Variants in MZT2B observed in about 807,000 individuals in gnomAD.
MZT2B encodes mitotic spindle organizing protein 2B.
In MZT2B, 11 loss-of-function variants were observed where a neutral mutation model predicts 12.1. The observed-to-expected ratio is 0.91, with a 90% CI of 0.57 to 1.50. MZT2B has a LOEUF of 1.50. MZT2B is among the 40% of genes most tolerant of loss of function. The pLI is 0.00. For synonymous variants in MZT2B, 85 were observed against 109.5 expected (o/e 0.78, Z 1.40); for missense variants, 209 against 227.7 (o/e 0.92, Z 0.53).
the MZT2B span, among the ~76,000 whole-genome samples, chr2:130,200,173 C>T: frequency 4.6e-5 from 7 of 151,798 alleles, no homozygotes; most frequent in Admixed American, 2.0e-4. Context: ...AGGCGGATCG[C>T]GAGGTCAGGA....
chr2:130,184,464 C>T (rs1689977606), intron 2 of MZT2B: 1 of 985,306 alleles, frequency 1.0e-6, no homozygotes, highest in Non-Finnish European at 1.2e-6. Flanking sequence ...CCCTTGCCCA[C>T]CTCACTCCTG....
the MZT2B span, among the ~76,000 whole-genome samples, chr2:130,200,697 C>T: frequency 1.3e-5 from 2 of 152,228 alleles, no homozygotes; most frequent in Non-Finnish European, 2.9e-5. Flanking sequence ...CCGGGAAGAG[C>T]AGAGTCAGGA....
downstream of MZT2B, among the ~76,000 whole-genome samples, chr2:130,193,170 G>C (rs115410310): frequency 6.6e-6 from 1 of 151,544 alleles, no homozygotes; most frequent in Non-Finnish European, 1.5e-5. Context: ...TGAGAGAATC[G>C]CTAGAGTCTG....
chr2:130,202,213 A>C, the MZT2B span: 3 of 973,376 alleles, frequency 3.1e-6, no homozygotes, highest in African/African-American at 3.4e-5. Flanking sequence ...ACTAAAAAAA[A>C]CAGTCCTGTG....
At chr2:130,191,059 C>T (rs377326439), downstream of MZT2B, among the ~76,000 whole-genome samples, 2 of 152,162 alleles carry the variant, frequency 1.3e-5, no homozygotes, top group Admixed American at 6.5e-5. Flanking sequence ...ACGCCATTCT[C>T]CTGCCTCAGC....
At chr2:130,185,340 A>G (rs979768285) in intron 2 of MZT2B, among the ~76,000 whole-genome samples, 15 of 150,082 alleles carry the variant, frequency 1.0e-4, no homozygotes, top group East Asian at 2.0e-4. Context: ...CCAGGTGGGC[A>G]TGGTGGTGGC....
At chr2:130,184,803 C>T in intron 2 of MZT2B, 2 of 985,420 alleles carry the variant, frequency 2.0e-6, no homozygotes, top group South Asian at 9.4e-5. Context: ...AGGCCTAGCT[C>T]TCAGGGCAGA....
chr2:130,189,896 C>T (rs1379528716), intron 2 of MZT2B, among the ~76,000 whole-genome samples: 1 of 152,142 alleles, frequency 6.6e-6, no homozygotes, highest in Admixed American at 6.5e-5. Flanking sequence ...CAGCTAAACC[C>T]GAAAGCAAGA....
chr2:130,190,879 A>G, downstream of MZT2B: 2 of 788,272 alleles, frequency 2.5e-6, no homozygotes, highest in Non-Finnish European at 3.5e-6. Flanking sequence ...GGGTTCTGAG[A>G]AAAGGCATCT....
Position 130,182,684 on chromosome 2 carries a change from C to T in MZT2B, c.228C>T (p.Leu76=), listed in dbSNP as rs778085620. The change falls in exon 2 of 3, where the codon CTC becomes CTT. Residue 76 remains leucine (L), a synonymous_variant. Coordinates refer to ENST00000281871, the MANE Select transcript of MZT2B (RefSeq NM_025029.5). ...NVAPLAVFQM[L]KSMCAGQRLA... Reference sequence around the variant, plus strand: ...CCCCCCTCGCCGTCTTCCAGATGCTCAAGTCCATGTGTGCCGGGCAGAGGC... The same window carrying T: ...CCCCCCTCGCCGTCTTCCAGATGCTTAAGTCCATGTGTGCCGGGCAGAGGC... The T allele has an allele frequency of 3.9e-5, 61 of 1,552,404 alleles. No homozygotes were observed. Among genetic ancestry groups the T allele is most frequent in the Non-Finnish European group, 5.0e-5 (58 of 1,149,442 alleles).
Position 130,188,251 on chromosome 2 carries a change from G to A in MZT2B, c.320-2218G>A, listed in dbSNP as rs149754845. ...CTGCGTGCTGTGGGGAGCTGAGAGC[G>A]CATGGGCACCTAAGCACCCAGATTA... is the stretch of plus-strand genomic sequence containing the variant. On this transcript the variant is annotated intron_variant, in intron 2 of 2. Transcript: ENST00000281871. The A allele has an allele frequency of 9.1e-3, 1,470 of 161,334 alleles. 10 individuals carry two copies. The highest frequency in any genetic ancestry group is 0.032 in the African/African-American group (1,335 of 41,550). 10.0% of individuals were successfully genotyped at this position (161,334 alleles called of 1,614,324 possible). A position where few individuals can be genotyped will look rare whatever the true frequency, so the allele number is the denominator to read the frequency against.
chr2:130,203,773 A>G, the MZT2B span, among the ~76,000 whole-genome samples: 2 of 151,750 alleles, frequency 1.3e-5, no homozygotes, highest in African/African-American at 2.4e-5. Context: ...TTGCCTATGT[A>G]TTTTTTTCTG....
downstream of MZT2B, among the ~76,000 whole-genome samples, chr2:130,193,249 C>CA (rs1204136926): frequency 6.6e-6 from 1 of 151,316 alleles, no homozygotes; most frequent in Non-Finnish European, 1.5e-5. Flanking sequence ...GACCCTGTCT[C>CA]AAAAAATAAA....
the MZT2B span, among the ~76,000 whole-genome samples, chr2:130,198,805 G>A: frequency 8.1e-6 from 1 of 123,534 alleles, no homozygotes; most frequent in South Asian, 2.8e-4. Context: ...CCACCTCTGA[G>A]AGGCCTTGCC....
intron 2 of MZT2B, among the ~76,000 whole-genome samples, chr2:130,185,226 G>A (rs1690011623): frequency 6.6e-6 from 1 of 151,898 alleles, no homozygotes; most frequent in African/African-American, 2.4e-5. Flanking sequence ...CAGAAGAATG[G>A]CGTGAACTTG....
the MZT2B span, chr2:130,202,477 G>T: frequency 7.8e-7 from 1 of 1,276,820 alleles, no homozygotes; most frequent in South Asian, 1.2e-5. Flanking sequence ...GGCTTAAGAG[G>T]CTTTGCAGAG....
At chr2:130,182,111 C>G, upstream of MZT2B, 1 of 1,322,776 alleles carries the variant, frequency 7.6e-7, no homozygotes, top group Non-Finnish European at 9.7e-7. Context: ...CGTGAGCGCC[C>G]AATAACTGTT....
At chr2:130,198,587 G>T in the MZT2B span, 1 of 495,712 alleles carries the variant, frequency 2.0e-6, no homozygotes, top group Non-Finnish European at 3.3e-6. Flanking sequence ...CTGATTGGAT[G>T]CAGGATTGGC....
At chr2:130,193,286 T>C (rs13427828), downstream of MZT2B, among the ~76,000 whole-genome samples, 1,944 of 151,710 alleles carry the variant, frequency 0.013, 35 homozygotes, top group African/African-American at 0.038. Flanking sequence ...ACCACAGATA[T>C]ATAGTGTGAT....
Sources: allele counts gnomAD v4.1 joint callset (sites outside exome capture counted in the v4.1 genomes callset), GRCh38; gene constraint gnomAD v4.1.1; transcripts MANE v1.5; gene names NCBI Gene and HGNC (gene_info 2026-07-23, HGNC 2026-07-21).